Variants in MAN2A1 observed in about 807,000 individuals in gnomAD.
The protein encoded by MAN2A1 is alpha-mannosidase 2.
A neutral mutation model predicts 142.6 loss-of-function variants in MAN2A1; 76 were observed. That is an observed-to-expected ratio of 0.53 (90% CI 0.44 to 0.65). MAN2A1 has a LOEUF of 0.65. Ranked by LOEUF, MAN2A1 falls within the 30% of genes least tolerant of loss-of-function variation. The pLI is 0.00. For missense variants in MAN2A1, 1,311 were observed against 1,365.1 expected, an observed-to-expected ratio of 0.96 and a Z score of 0.62; for synonymous variants, 559 against 473.2, an observed-to-expected ratio of 1.18 and a Z score of -2.35.
At chr5:109,855,366 A>G in intron 20 of MAN2A1, 32 bp downstream of exon 20, 2 of 1,366,940 alleles carry the variant, frequency 1.5e-6, no homozygotes, top group Non-Finnish European at 1.9e-6. Flanking sequence ...ATAAAAAATT[A>G]CTGTTTATTA....
At chr5:109,804,188 A>G (rs1327336656) in intron 12 of MAN2A1, 15 of 987,256 alleles carry the variant, frequency 1.5e-5, no homozygotes, top group Non-Finnish European at 1.8e-5. Context: ...GGAACAAGGA[A>G]AAGGATTTTA....
chr5:109,795,759 T>G (rs183661916), intron 12 of MAN2A1, among the ~76,000 whole-genome samples: 6 of 152,332 alleles, frequency 3.9e-5, no homozygotes, highest in Non-Finnish European at 8.8e-5. Context: ...AACAAATATT[T>G]TTCTATTGGA....
At chr5:109,862,953 CTTGTAGAATTCAAATGTAGAA>C (rs1445941897) in intron 20 of MAN2A1, 1 of 152,104 alleles carries the variant, frequency 6.6e-6, no homozygotes, top group Non-Finnish European at 1.5e-5. Context: ...GTTTAAATCT[CTTGTAGAATTCAAATGTAGAA>C]TTCCAAAGGT....
At chr5:109,789,416 T>C (rs1753681789) in intron 11 of MAN2A1, 44 bp from the exon 12 acceptor site, 1 of 1,140,026 alleles carries the variant, frequency 8.8e-7, no homozygotes, top group Non-Finnish European at 1.3e-6. Context: ...GATGAGTCCA[T>C]GGAGTGTTAA....
chr5:109,710,836 G>A (rs550210473), intron 1 of MAN2A1, among the ~76,000 whole-genome samples: 5 of 152,148 alleles, frequency 3.3e-5, no homozygotes, highest in South Asian at 2.1e-4. Flanking sequence ...GATTATAGGC[G>A]CCTGCCACCA....
At chr5:109,692,750 C>T in intron 1 of MAN2A1, among the ~76,000 whole-genome samples, 1 of 138,772 alleles carries the variant, frequency 7.2e-6, no homozygotes, top group East Asian at 2.1e-4. Flanking sequence ...TTTTTGGTAC[C>T]AGGGACTGGT....
chr5:109,756,689 G>C (rs76697764), intron 5 of MAN2A1, among the ~76,000 whole-genome samples: 1 of 152,130 alleles, frequency 6.6e-6, no homozygotes, highest in African/African-American at 2.4e-5. Flanking sequence ...GCATGTTGCA[G>C]GTATCATGCC....
At chr5:109,765,318 GTCTC>G (rs1420254350) in intron 5 of MAN2A1, among the ~76,000 whole-genome samples, 3 of 152,002 alleles carry the variant, frequency 2.0e-5, no homozygotes, top group African/African-American at 4.8e-5. Context: ...TTTTGTAGAA[GTCTC>G]TCTATTTGAC....
intron 12 of MAN2A1, among the ~76,000 whole-genome samples, chr5:109,809,021 A>G (rs1754249374): frequency 6.6e-6 from 1 of 152,084 alleles, no homozygotes; most frequent in African/African-American, 2.4e-5. Flanking sequence ...CTAAATTTCT[A>G]AAAGTAGGAA....
intron 3 of MAN2A1, among the ~76,000 whole-genome samples, chr5:109,720,883 C>T (rs925531191): frequency 1.3e-5 from 2 of 152,142 alleles, no homozygotes; most frequent in African/African-American, 2.4e-5. Context: ...AGAAGTTGTA[C>T]GTGAACACTG....
intron 5 of MAN2A1, among the ~76,000 whole-genome samples, chr5:109,766,303 C>T (rs918911516): frequency 2.0e-5 from 3 of 152,154 alleles, no homozygotes; most frequent in Admixed American, 6.5e-5. Context: ...ATTGTTAAAT[C>T]CGTGCTACCA....
In MAN2A1 at chr5:109,721,810, GTC is replaced by G. The variant is rs1751611275; in HGVS notation, c.535+5548_535+5549del. Reference sequence around the variant, plus strand: ...TTTCTCCTCAGTTTCAGTTACCTTTGTCTGTCTTTCAAGCCTGGGTGCTTCAA... The same window carrying G: ...TTTCTCCTCAGTTTCAGTTACCTTTGTGTCTTTCAAGCCTGGGTGCTTCAA... On this transcript the variant is annotated intron_variant, in intron 3 of 21. Transcript: ENST00000261483. Among the ~76,000 whole-genome samples, 4 of 152,276 alleles carry G rather than the reference GTC, an allele frequency of 2.6e-5. No individual in the cohort carries two copies. The South Asian group carries it at 8.3e-4, about 32-fold the overall frequency.
chr5:109,733,822 TC>T (rs879811546), intron 4 of MAN2A1, among the ~76,000 whole-genome samples: 12 of 152,202 alleles, frequency 7.9e-5, no homozygotes, highest in Admixed American at 7.9e-4. Flanking sequence ...TCTAAAATTC[TC>T]TTTTTTGGTT....
intron 17 of MAN2A1, among the ~76,000 whole-genome samples, chr5:109,844,472 C>T (rs1755296331): frequency 6.6e-6 from 1 of 151,000 alleles, no homozygotes; most frequent in Non-Finnish European, 1.5e-5. Flanking sequence ...TTTAAGGTAG[C>T]TTTACTTTTT....
chr5:109,699,111 T>C (rs186449308), intron 1 of MAN2A1, among the ~76,000 whole-genome samples: 4 of 152,344 alleles, frequency 2.6e-5, no homozygotes, highest in African/African-American at 9.6e-5. Context: ...AATGATGTAA[T>C]TGCATTTGTT....
chr5:109,731,509 C>A (rs1448286780), intron 4 of MAN2A1, among the ~76,000 whole-genome samples: 4 of 97,430 alleles, frequency 4.1e-5, no homozygotes, highest in Non-Finnish European at 2.0e-5. Context: ...TATCCCTCCC[C>A]CCTCCCCCAA....
chr5:109,837,148 C>G (rs2112750377), intron 16 of MAN2A1, among the ~76,000 whole-genome samples: 2 of 149,424 alleles, frequency 1.3e-5, no homozygotes, highest in Middle Eastern at 3.4e-3. Flanking sequence ...CTCCTGGGCT[C>G]ACCATTATGT....
chr5:109,711,836 C>G (rs906259528), intron 1 of MAN2A1, among the ~76,000 whole-genome samples: 2 of 152,146 alleles, frequency 1.3e-5, no homozygotes, highest in African/African-American at 4.8e-5. Context: ...AGAGTTCTAT[C>G]TTGTGGTGAC....
chr5:109,742,231 G>A (rs964451981), intron 4 of MAN2A1, among the ~76,000 whole-genome samples: 12 of 152,156 alleles, frequency 7.9e-5, no homozygotes, highest in African/African-American at 2.2e-4. Context: ...AGAAACCCAC[G>A]AATTATTAGA....
Sources: gnomAD v4.1 joint callset for allele counts (sites outside exome capture counted in the v4.1 genomes callset) on GRCh38, gnomAD v4.1.1 for gene constraint, MANE v1.5 for transcripts, NCBI Gene and HGNC (gene_info 2026-07-23, HGNC 2026-07-21) for gene names.